ENTPD4: variants seen among roughly 807,000 people sequenced by gnomAD.
ENTPD4 encodes the protein ectonucleoside triphosphate diphosphohydrolase 4, also known as Golgi UDPase.
In ENTPD4, 60 loss-of-function variants were observed where a neutral mutation model predicts 79.1. That is an observed-to-expected ratio of 0.76 (90% CI 0.62 to 0.94). The LOEUF is 0.94. Ranked by LOEUF, ENTPD4 falls within the 40% of genes least tolerant of loss-of-function variation. The pLI, the probability that ENTPD4 is intolerant of heterozygous loss-of-function variation, is 0.00. For missense variants in ENTPD4, 772 were observed against 775.1 expected, an observed-to-expected ratio of 1.00 and a Z score of 0.05; for synonymous variants, 276 against 292.0, an observed-to-expected ratio of 0.95 and a Z score of 0.56.
At chr8:23,441,408 G>C in intron 8 of ENTPD4, 161 bp downstream of exon 8, 1 of 985,342 alleles carries the variant, frequency 1.0e-6, no homozygotes, top group East Asian at 1.1e-4. Context: ...GCTCAGCTGA[G>C]GTCTGCCTTG....
chr8:23,445,904 C>T (rs370981913), intron 4 of ENTPD4, among the ~76,000 whole-genome samples: 5 of 152,162 alleles, frequency 3.3e-5, no homozygotes, highest in South Asian at 2.1e-4. Context: ...AAATGAGGGG[C>T]GCTTTAGAAG....
Position 23,434,389 on chromosome 8 carries a change from A to G in ENTPD4, c.1550T>C (p.Leu517Ser), listed in dbSNP as rs764317286. 2.5e-6 allele frequency: 4 copies of G among 1,614,078 alleles called. No individual in the cohort carries two copies. The African/African-American group carries it at 5.3e-5, about 22-fold the overall frequency. Reference sequence around the variant, plus strand: ...CTGAACCTCCTTGTCGTAAACTTGCAAGGCAGTCTTTAAGCTTTTATAGTT... The same window carrying G: ...CTGAACCTCCTTGTCGTAAACTTGCGAGGCAGTCTTTAAGCTTTTATAGTT... ...PVNYKSLKTA[L>S]QVYDKEVQWT... The change falls in exon 12 of 13, where the codon TTG (leucine) becomes TCG (serine). Residue 517 changes from leucine to serine, a missense_variant. Leu to Ser is a moderately radical substitution (Grantham distance 145, BLOSUM62 -2). Transcript: ENST00000358689.
intron 4 of ENTPD4, among the ~76,000 whole-genome samples, chr8:23,444,835 CTG>C (rs527276997): frequency 1.3e-5 from 2 of 152,164 alleles, no homozygotes; most frequent in Non-Finnish European, 2.9e-5. Flanking sequence ...TGAGCATCTG[CTG>C]TGTGTCACTG....
At chr8:23,456,386 C>T (rs77525903) in intron 1 of ENTPD4, among the ~76,000 whole-genome samples, 125 of 152,360 alleles carry the variant, frequency 8.2e-4, no homozygotes, top group African/African-American at 2.6e-3. Context: ...ACCTGTTACA[C>T]ATCCTGATGT....
Position 23,432,504 on chromosome 8 carries a change from A to ACT in ENTPD4, c.*421_*422insAG, listed in dbSNP as rs1554488211. The stretch of plus-strand genomic sequence containing the variant: ...AGACAGCAGGGCTTATAAACAATGC[A>ACT]TTTTTTTTTTTTGAGACGGAGTCTC... On this transcript the variant is annotated 3_prime_UTR_variant, in exon 13 of 13. Transcript: ENST00000358689. The ACT allele has an allele frequency of 6.6e-6, 6 of 912,476 alleles. No individual in the cohort carries two copies. The African/African-American group carries it at 1.1e-4, about 17-fold the overall frequency. 56.5% of individuals were successfully genotyped at this position (912,476 alleles called of 1,614,324 possible).
Position 23,448,797 on chromosome 8 carries a change from C to G in ENTPD4, c.151G>C (p.Val51Leu), listed in dbSNP as rs372274379. 8.6e-5 allele frequency: 139 copies of G among 1,613,876 alleles called. 1 individual carries two copies. The South Asian group carries it at 1.5e-3, about 17-fold the overall frequency. ...CCATACTTATTTCGGATTATGACAA[C>G]AGAAAAATATAAAAGTGAAACAGCA... ...AAAVSLLYFS[V>L]VIIRNKYGRL... Residue 51 changes from valine (V) to leucine (L), a missense_variant, in exon 3 of 13, where the codon GTT (valine) becomes CTT (leucine). Val to Leu is a conservative substitution (Grantham distance 32). Transcript: ENST00000358689.
At chr8:23,437,948 T>C (rs533581765) in intron 9 of ENTPD4, among the ~76,000 whole-genome samples, 1 of 152,376 alleles carries the variant, frequency 6.6e-6, no homozygotes, top group South Asian at 2.1e-4. Context: ...GGCTTGGCTC[T>C]ATTTTTATCA....
chr8:23,448,577 C>T (rs1800802749), intron 3 of ENTPD4, among the ~76,000 whole-genome samples, 165 bp downstream of exon 3: 1 of 152,148 alleles, frequency 6.6e-6, no homozygotes, highest in Admixed American at 6.5e-5. Flanking sequence ...ACACACAAAA[C>T]CTATGGCACC....
intron 9 of ENTPD4, among the ~76,000 whole-genome samples, chr8:23,439,002 A>C (rs1800621110): frequency 6.6e-6 from 1 of 152,256 alleles, no homozygotes; most frequent in African/African-American, 2.4e-5. Context: ...AAATAAACAA[A>C]TAAAACACAG....
In ENTPD4 at chr8:23,447,745, T is replaced by A; in HGVS notation, c.347A>T (p.Asp116Val). Residue 116 changes from aspartate (D) to valine (V), a missense_variant, in exon 4 of 13, where the codon GAT (aspartate) becomes GTT (valine). Asp to Val is a radical substitution (Grantham distance 152). Coordinates refer to ENST00000358689, the MANE Select transcript of ENTPD4 (RefSeq NM_004901.5). ...CWPRHNGNPH[D>V]LLDIRQMRDK... ...CCTCATTTGCCTGATATCCAACAGA[T>A]CATGTGGATTGCCATTATGCCTTGG... 1 of 1,614,144 alleles carries A rather than the reference T, an allele frequency of 6.2e-7. No individual in the cohort carries two copies. The highest frequency in any genetic ancestry group is 1.1e-5 in the South Asian group (1 of 91,080).
Position 23,433,014 on chromosome 8 carries a change from A to G in ENTPD4, c.1763T>C (p.Ile588Thr). The G allele has an allele frequency of 1.2e-6, 2 of 1,614,010 alleles. No homozygotes were observed. Among genetic ancestry groups the G allele is most frequent in the East Asian group, 4.5e-5 (2 of 44,862 alleles). Reference sequence around the variant, plus strand: ...GCTGCTCCGGGGAGTGCGCCTGTGGATGCGCCGCAGCCGCAGCAGGTACAG... The same window carrying G: ...GCTGCTCCGGGGAGTGCGCCTGTGGGTGCGCCGCAGCCGCAGCAGGTACAG... ...ILLYLLRLRR[I>T]HRRTPRSSSA... Residue 588 changes from isoleucine to threonine, a missense_variant, in exon 13 of 13, where the codon ATC (isoleucine) becomes ACC (threonine). Transcript: ENST00000358689.
Position 23,448,062 on chromosome 8 carries a change from T to C in ENTPD4, c.207-177A>G, listed in dbSNP as rs568398723. 8.5e-5 allele frequency among the ~76,000 whole-genome samples: 13 copies of C among 152,342 alleles called. No homozygotes were observed. In the East Asian group the frequency reaches 2.5e-3, roughly 29 times the overall value. On this transcript the variant is annotated intron_variant, in intron 3 of 12. Transcript: ENST00000358689. ...CAAAAGAAAACAAAACAAGTGATGA[T>C]GATAAAGATCATCTAAATCAGACAC...
At position 23,436,926 on chromosome 8, in the gene ENTPD4, A is replaced by G. The variant is rs368814709; in HGVS notation, c.1374+8T>C. ...GCATGCAGAGCAGACGGCGTCTCTC[A>G]AGGGTACCTTTGCAGCTTTAGTAAA... is the stretch of plus-strand genomic sequence containing the variant. On this transcript the variant is annotated splice_region_variant and intron_variant, in intron 10 of 12. Transcript: ENST00000358689. The G allele has an allele frequency of 4.4e-5, 69 of 1,572,498 alleles. 1 individual carries two copies. The highest frequency in any genetic ancestry group is 9.0e-5 in the Admixed American group (5 of 55,660).
In ENTPD4 at chr8:23,431,399, C is replaced by T. The variant is rs1032821330; in HGVS notation, c.*1527G>A. On this transcript the variant is annotated 3_prime_UTR_variant, in exon 13 of 13. Transcript: ENST00000358689. Reference sequence around the variant, plus strand: ...AGACACTCGCACAAAACAAACTCCACCTAAAAAAACTGTACGAGAATTCCC... The same window carrying T: ...AGACACTCGCACAAAACAAACTCCATCTAAAAAAACTGTACGAGAATTCCC... 5.1e-6 allele frequency: 5 copies of T among 985,170 alleles called. No homozygotes were observed. In the African/African-American group the frequency reaches 7.0e-5, roughly 14 times the overall value. The allele number at this position is 985,170 out of a possible 1,614,324, so 61.0% of individuals were successfully genotyped here. A position where few individuals can be genotyped will look rare whatever the true frequency, so the allele number is the denominator to read the frequency against.
intron 1 of ENTPD4, among the ~76,000 whole-genome samples, chr8:23,450,587 C>T (rs113694145): frequency 0.018 from 2,752 of 152,308 alleles, 85 homozygotes; most frequent in African/African-American, 0.062. Flanking sequence ...CTTGACCTCT[C>T]AAGACAGCTG....
rs1204303532 is a variant in ENTPD4, at chr8:23,436,965, T to C, written c.1343A>G (p.Tyr448Cys). 1.2e-6 allele frequency: 2 copies of C among 1,608,402 alleles called. No homozygotes were observed. The highest frequency in any genetic ancestry group is 8.5e-7 in the Non-Finnish European group (1 of 1,177,146). ...AGCTTTAGTAAATTTAGCAGCATTG[T>C]AGTCTCCCCCCATTCGTAACACATC... ...TEDVLRMGGD[Y>C]NAAKFTKAAK... The change falls in exon 10 of 13, where the codon TAC becomes TGC. Residue 448 changes from tyrosine to cysteine, a missense_variant. Coordinates refer to ENST00000358689, the MANE Select transcript of ENTPD4 (RefSeq NM_004901.5).
intron 1 of ENTPD4, among the ~76,000 whole-genome samples, chr8:23,451,646 C>T (rs890509786): frequency 6.6e-6 from 1 of 152,192 alleles, no homozygotes; most frequent in African/African-American, 2.4e-5. Flanking sequence ...CTGACCTCAT[C>T]GTCTGCTCTC....
intron 11 of ENTPD4, chr8:23,434,784 G>C (rs1161521295): frequency 4.6e-6 from 5 of 1,075,986 alleles, no homozygotes; most frequent in Non-Finnish European, 5.9e-6. Flanking sequence ...CTCCTTGAAT[G>C]AATACTGAAC....
Position 23,437,209 on chromosome 8 carries a change from G to A in ENTPD4, c.1099C>T (p.Pro367Ser), listed in dbSNP as rs1015440521. 6.2e-7 allele frequency: 1 copy of A among 1,614,040 alleles called. No individual in the cohort carries two copies. Among genetic ancestry groups the A allele is most frequent in the Non-Finnish European group, 8.5e-7 (1 of 1,179,976 alleles). The change falls in exon 10 of 13, where the codon CCC becomes TCC. Residue 367 changes from proline (P) to serine (S), a missense_variant. By Grantham distance (74) the Pro-to-Ser change is moderately conservative (BLOSUM62 -1). Transcript: ENST00000358689. Reference sequence around the variant, plus strand: ...TCTTTAATGTCTAGGGGTAGGCAGGGGTCCAAGTACGGCATATCAGGAGTC... The same window carrying A: ...TCTTTAATGTCTAGGGGTAGGCAGGAGTCCAAGTACGGCATATCAGGAGTC... Reference protein sequence around the residue: ...GLTPDMPYLDPCLPLDIKDEI... With the variant: ...GLTPDMPYLDSCLPLDIKDEI...
Sources: gnomAD v4.1 joint callset for allele counts (sites outside exome capture counted in the v4.1 genomes callset) on GRCh38, gnomAD v4.1.1 for gene constraint, MANE v1.5 for transcripts, NCBI Gene and HGNC (gene_info 2026-07-23, HGNC 2026-07-21) for gene names.